The following AKAP11 variants were observed in gnomAD, a reference collection of about 807,000 sequenced individuals.
AKAP11 encodes A-kinase anchoring protein 11, also known as A-kinase anchor protein 11.
A neutral mutation model predicts 146.1 loss-of-function variants in AKAP11; 36 were observed. The observed-to-expected ratio is 0.25, with a 90% CI of 0.19 to 0.33. The LOEUF is 0.33. Among genes scored for constraint, AKAP11 ranks in the 10% least tolerant of loss-of-function variants. The pLI is 1.00. For synonymous variants in AKAP11, 780 were observed against 786.5 expected (o/e 0.99, Z 0.14); for missense variants, 2,201 against 2,197.0 (o/e 1.00, Z -0.04).
At chr13:42,285,155 A>G (rs1257998020) in intron 1 of AKAP11, among the ~76,000 whole-genome samples, 2 of 152,230 alleles carry the variant, frequency 1.3e-5, no homozygotes, top group African/African-American at 4.8e-5. Context: ...TCCTCATAGT[A>G]TAAATTTATG....
rs755523738 is a variant in AKAP11 at position 42,302,044 on chromosome 13, A to G, written c.3298A>G (p.Thr1100Ala). 6.2e-7 allele frequency: 1 copy of G among 1,614,054 alleles called. No homozygotes were observed. The highest frequency in any genetic ancestry group is 1.1e-5 in the South Asian group (1 of 91,074). Residue 1100 changes from threonine (T) to alanine (A), a missense_variant, in exon 8 of 13, where the codon ACT becomes GCT. This residue lies in a region of AKAP11 where 1,867 missense variants were observed against 1,833.5 expected (regional missense o/e 1.02). Transcript: ENST00000025301. ...KVRDRNVIPDTPPSTPLVPSR... is the reference protein window; with the variant it reads ...KVRDRNVIPDAPPSTPLVPSR... ...CAGAGACAGAAATGTAATACCTGAT[A>G]CTCCTCCATCAACTCCTCTAGTACC...
chr13:42,300,413 A>G lies in AKAP11; in HGVS notation c.1667A>G (p.Asp556Gly). Residue 556 changes from aspartate (D) to glycine (G), a missense_variant, in exon 8 of 13, where the codon GAT becomes GGT. Asp to Gly is a moderately conservative substitution (Grantham distance 94, BLOSUM62 -1). Around this residue, in one of 3 missense-constraint regions of AKAP11, gnomAD observed 1,867 missense variants for 1,833.5 expected, o/e 1.02. Coordinates refer to ENST00000025301, the MANE Select transcript of AKAP11 (RefSeq NM_016248.4). ...IKDSIQKFAA[D>G]LVEKSFGSAF... ...GATAGCATTCAAAAATTTGCAGCAGATCTTGTGGAAAAAAGTTTTGGCAGT... is the reference window on the plus strand; with the variant it reads ...GATAGCATTCAAAAATTTGCAGCAGGTCTTGTGGAAAAAAGTTTTGGCAGT... 1 of 1,612,932 alleles carries G rather than the reference A, an allele frequency of 6.2e-7. No homozygotes were observed. The highest frequency in any genetic ancestry group is 8.5e-7 in the Non-Finnish European group (1 of 1,179,754).
intron 1 of AKAP11, among the ~76,000 whole-genome samples, chr13:42,278,998 T>A (rs1274290960): frequency 2.0e-5 from 3 of 152,138 alleles, no homozygotes; most frequent in African/African-American, 7.2e-5. Context: ...CCGGTTCATA[T>A]AGATGTGAAG....
intron 3 of AKAP11, among the ~76,000 whole-genome samples, chr13:42,291,571 G>A (rs1488779155): frequency 2.0e-5 from 3 of 152,110 alleles, no homozygotes; most frequent in Non-Finnish European, 4.4e-5. Context: ...GTTTTGGTGT[G>A]GATTAAATGA....
In AKAP11 at chr13:42,314,004, T is replaced by G; in HGVS notation, c.5404+64T>G. The G allele has an allele frequency of 2.6e-6, 4 of 1,523,342 alleles. No individual in the cohort carries two copies. The South Asian group carries it at 4.5e-5, about 17-fold the overall frequency. The allele number at this position is 1,523,342 out of a possible 1,614,324, so 94.4% of individuals were successfully genotyped here. A position where few individuals can be genotyped will look rare whatever the true frequency, so the allele number is the denominator to read the frequency against. On this transcript the variant is annotated intron_variant, in intron 11 of 12. Coordinates refer to ENST00000025301, the MANE Select transcript of AKAP11 (RefSeq NM_016248.4). Reference sequence around the variant, plus strand: ...TGTATAAGGTTTCCTAGAAGAGTCTTTATGCATTTTCATCAGATAGGCTCT... The same window carrying G: ...TGTATAAGGTTTCCTAGAAGAGTCTGTATGCATTTTCATCAGATAGGCTCT...
chr13:42,289,508 T>C (rs1566262274), intron 3 of AKAP11, among the ~76,000 whole-genome samples: 2 of 152,172 alleles, frequency 1.3e-5, no homozygotes, highest in Non-Finnish European at 2.9e-5. Context: ...TTTCCAAAAT[T>C]GATACCTGAG....
chr13:42,289,343 T>A (rs924091765), intron 3 of AKAP11, among the ~76,000 whole-genome samples: 1 of 152,202 alleles, frequency 6.6e-6, no homozygotes, highest in African/African-American at 2.4e-5. Flanking sequence ...CAGGGCATCA[T>A]AGTTAACACC....
Position 42,300,871 on chromosome 13 carries a change from G to A in AKAP11, c.2125G>A (p.Asp709Asn), listed in dbSNP as rs752484733. Residue 709 changes from aspartate to asparagine, a missense_variant, in exon 8 of 13, where the codon GAT becomes AAT. Asp to Asn is a conservative substitution (Grantham distance 23). This residue lies in a region of AKAP11 where 1,867 missense variants were observed against 1,833.5 expected (regional missense o/e 1.02). Transcript: ENST00000025301. ...AGCATTCATTGAGCTATCACAAGTTGATGTGACCTTTACAACAAAGGCAGC... is the reference window on the plus strand; with the variant it reads ...AGCATTCATTGAGCTATCACAAGTTAATGTGACCTTTACAACAAAGGCAGC... ...QEAFIELSQV[D>N]VTFTTKAAVS... The A allele has an allele frequency of 6.2e-7, 1 of 1,614,088 alleles. No individual in the cohort carries two copies. The highest frequency in any genetic ancestry group is 8.5e-7 in the Non-Finnish European group (1 of 1,179,978).
At position 42,301,859 on chromosome 13, in the gene AKAP11, A is replaced by C. The variant is rs139650617; in HGVS notation, c.3113A>C (p.Glu1038Ala). 4 of 1,614,044 alleles carry C rather than the reference A, an allele frequency of 2.5e-6. No homozygotes were observed. In the African/African-American group the frequency reaches 5.3e-5, roughly 22 times the overall value. The change falls in exon 8 of 13, where the codon GAA becomes GCA. Residue 1038 changes from glutamate (E) to alanine (A), a missense_variant. By Grantham distance (107) the Glu-to-Ala change is moderately radical. Transcript: ENST00000025301. ...AVTGQKSDLK[E>A]SAKDQPLKKH... is the part of the protein sequence containing the mutation. ...ACAGGTCAGAAATCTGACTTGAAGGAATCTGCTAAGGATCAACCACTGAAA... is the reference window on the plus strand; with the variant it reads ...ACAGGTCAGAAATCTGACTTGAAGGCATCTGCTAAGGATCAACCACTGAAA...
In AKAP11 at chr13:42,302,081, G is replaced by A. The variant is rs759505724; in HGVS notation, c.3335G>A (p.Ser1112Asn). The change falls in exon 8 of 13, where the codon AGT becomes AAT. Residue 1112 changes from serine to asparagine, a missense_variant. Physicochemically the swap from Ser to Asn is conservative, Grantham distance 46. Transcript: ENST00000025301. The stretch of plus-strand genomic sequence containing the variant: ...ACTCCTCTAGTACCATCCCGGGCTA[G>A]TTCTGAATGGGATATCAAGAAGTTA... ...PSTPLVPSRA[S>N]SEWDIKKLTK... The A allele has an allele frequency of 1.9e-6, 3 of 1,614,048 alleles. No homozygotes were observed. Among genetic ancestry groups the A allele is most frequent in the African/African-American group, 2.7e-5 (2 of 74,936 alleles).
At chr13:42,290,653 T>C (rs750801258) in intron 3 of AKAP11, among the ~76,000 whole-genome samples, 1 of 152,164 alleles carries the variant, frequency 6.6e-6, no homozygotes. Context: ...GACTCACAGA[T>C]TTTTTTTAAT....
intron 1 of AKAP11, among the ~76,000 whole-genome samples, chr13:42,285,758 T>A (rs1566258888): frequency 1.3e-5 from 2 of 151,776 alleles, no homozygotes; most frequent in African/African-American, 4.8e-5. Context: ...TTGTCAATGG[T>A]ATGCTCTTAA....
At chr13:42,317,921 T>TTA (rs1960899081) in intron 12 of AKAP11, among the ~76,000 whole-genome samples, 1 of 152,190 alleles carries the variant, frequency 6.6e-6, no homozygotes, top group Non-Finnish European at 1.5e-5. Context: ...GAATCTACCT[T>TTA]ACAGGGGTTT....
chr13:42,302,353 G>A lies in AKAP11; in HGVS notation c.3607G>A (p.Ala1203Thr). Reference protein sequence around the residue: ...GKKVQFAEALATHILSLATEM... With the variant: ...GKKVQFAEALTTHILSLATEM... ...GAAGGTTCAGTTTGCAGAAGCATTA[G>A]CTACACACATCCTTTCTCTTGCAAC... Residue 1203 changes from alanine (A) to threonine (T), a missense_variant, in exon 8 of 13, where the codon GCT becomes ACT. Coordinates refer to ENST00000025301, the MANE Select transcript of AKAP11 (RefSeq NM_016248.4). 6.2e-7 allele frequency: 1 copy of A among 1,614,156 alleles called. No homozygotes were observed. Among genetic ancestry groups the A allele is most frequent in the South Asian group, 1.1e-5 (1 of 91,068 alleles).
In AKAP11 at chr13:42,301,051, G is replaced by T; in HGVS notation, c.2305G>T (p.Ala769Ser). 2 of 1,614,088 alleles carry T rather than the reference G, an allele frequency of 1.2e-6. No homozygotes were observed. Among genetic ancestry groups the T allele is most frequent in the Non-Finnish European group, 1.7e-6 (2 of 1,179,944 alleles). Residue 769 changes from alanine to serine, a missense_variant, in exon 8 of 13, where the codon GCC becomes TCC. Physicochemically the swap from Ala to Ser is moderately conservative, Grantham distance 99. Coordinates refer to ENST00000025301, the MANE Select transcript of AKAP11 (RefSeq NM_016248.4). ...EYKKEYTVQQALFCTSGIVTS... is the reference protein window; with the variant it reads ...EYKKEYTVQQSLFCTSGIVTS... Reference sequence around the variant, plus strand: ...TAAAAAGGAATACACAGTGCAGCAGGCCTTGTTTTGTACTTCTGGAATTGT... The same window carrying T: ...TAAAAAGGAATACACAGTGCAGCAGTCCTTGTTTTGTACTTCTGGAATTGT...
Position 42,301,392 on chromosome 13 carries a change from G to T in AKAP11, c.2646G>T (p.Thr882=). The stretch of plus-strand genomic sequence containing the variant: ...ACTTTTCTGCAGCAGTGGTGCATAC[G>T]ATAGTAAATGAAACTTTAGAGTCAA... ...ISNFSAAVVH[T]IVNETLESMT... The change falls in exon 8 of 13, where the codon ACG becomes ACT. Residue 882 remains threonine (T), a synonymous_variant. Transcript: ENST00000025301. 6.2e-7 allele frequency: 1 copy of T among 1,613,568 alleles called. No individual in the cohort carries two copies.
At chr13:42,271,847 C>G (rs965149019), upstream of AKAP11, among the ~76,000 whole-genome samples, 1 of 151,970 alleles carries the variant, frequency 6.6e-6, no homozygotes. Flanking sequence ...AGTCATGTGA[C>G]CAGCGGGGCT....
In AKAP11 at chr13:42,321,043, T is replaced by C. The variant is rs1961066593; in HGVS notation, c.*1815T>C. ...ACCAGAATTGTTCCTGCCTTTAGCT[T>C]TTCAGAACTTGAGATGTGGCAGCAC... On this transcript the variant is annotated 3_prime_UTR_variant, in exon 13 of 13. Coordinates refer to ENST00000025301, the MANE Select transcript of AKAP11 (RefSeq NM_016248.4). The C allele has an allele frequency of 6.6e-6, 1 of 152,352 alleles. No homozygotes were observed. The highest frequency in any genetic ancestry group is 1.5e-5 in the Non-Finnish European group (1 of 68,030). The allele number at this position is 152,352 out of a possible 1,614,324, so 9.4% of individuals were successfully genotyped here.
Position 42,299,883 on chromosome 13 carries a change from C to T in AKAP11, c.1137C>T (p.Val379=), listed in dbSNP as rs1309159351. 6.2e-7 allele frequency: 1 copy of T among 1,613,852 alleles called. No individual in the cohort carries two copies. Among genetic ancestry groups the T allele is most frequent in the Non-Finnish European group, 8.5e-7 (1 of 1,179,862 alleles). ...LETCLFNKDP[V]IGKSSQRKGH... ...CTTGCCTGTTTAACAAAGATCCCGT[C>T]ATAGGGAAGTCATCGCAGAGGAAAG... The change falls in exon 8 of 13, where the codon GTC becomes GTT. Residue 379 remains valine, a synonymous_variant. Transcript: ENST00000025301.
Sources: allele counts gnomAD v4.1 joint callset (sites outside exome capture counted in the v4.1 genomes callset), GRCh38; gene constraint gnomAD v4.1.1; regional missense constraint gnomAD v4.1.1; transcripts MANE v1.5; gene names NCBI Gene and HGNC (gene_info 2026-07-23, HGNC 2026-07-21).